The following VAT1L variants were observed in gnomAD, a reference collection of about 807,000 sequenced individuals.
The protein encoded by VAT1L is vesicle amine transport 1 like.
VAT1L carries 34 observed loss-of-function variants against 44.1 expected under a neutral mutation model. That is an observed-to-expected ratio of 0.77 (90% CI 0.59 to 1.03). VAT1L has a LOEUF of 1.03. Ranked by LOEUF, VAT1L falls within the 50% of genes least tolerant of loss-of-function variation. VAT1L has a pLI of 0.00. For missense variants in VAT1L, 615 were observed against 538.8 expected (o/e 1.14, Z -1.40); for synonymous variants, 253 against 202.2 (o/e 1.25, Z -2.13).
At chr16:77,838,153 G>T (rs947535906) in intron 3 of VAT1L, among the ~76,000 whole-genome samples, 5 of 152,134 alleles carry the variant, frequency 3.3e-5, no homozygotes, top group Admixed American at 3.3e-4. Flanking sequence ...CTATAGTTCT[G>T]GCCCCTTGGA....
rs1348959951 is a variant in VAT1L, at chr16:77,879,655, C to T, written c.882+431C>T. Among the ~76,000 whole-genome samples, 2 of 152,336 alleles carry T rather than the reference C, an allele frequency of 1.3e-5. No individual in the cohort carries two copies. The highest frequency in any genetic ancestry group is 3.4e-3 in the Middle Eastern group (1 of 294). ...ATTTCCTCGTTCATTTCCCATAAAA[C>T]CTGCACTCCTGCCCTATTCCCTGCA... On this transcript the variant is annotated intron_variant, in intron 6 of 8. Coordinates refer to ENST00000302536, the MANE Select transcript of VAT1L (RefSeq NM_020927.3). The surrounding 1 kb of genome is among the most constrained non-coding windows in gnomAD (Gnocchi z 4.1).
rs757462283 is a variant in VAT1L at position 77,825,344 on chromosome 16, C to T, written c.462C>T (p.Ser154=). Reference sequence around the variant, plus strand: ...TCTACAAGATCCCGGATGACATGAGCTTCTCCGAGGCTGCTGCATTCCCCA... The same window carrying T: ...TCTACAAGATCCCGGATGACATGAGTTTCTCCGAGGCTGCTGCATTCCCCA... ...EFVYKIPDDM[S]FSEAAAFPMN... Residue 154 remains serine, a synonymous_variant, in exon 3 of 9, where the codon AGC becomes AGT. Coordinates refer to ENST00000302536, the MANE Select transcript of VAT1L (RefSeq NM_020927.3). The T allele has an allele frequency of 6.2e-7, 1 of 1,614,226 alleles. No individual in the cohort carries two copies. The highest frequency in any genetic ancestry group is 8.5e-7 in the Non-Finnish European group (1 of 1,180,054).
chr16:77,953,794 C>T (rs569224797), intron 7 of VAT1L, among the ~76,000 whole-genome samples: 1 of 152,118 alleles, frequency 6.6e-6, no homozygotes, highest in African/African-American at 2.4e-5. Context: ...TCTTGCCCAG[C>T]CTGATTTGCA....
chr16:77,917,844 T>A (rs1381735443), intron 7 of VAT1L, among the ~76,000 whole-genome samples: 1 of 152,206 alleles, frequency 6.6e-6, no homozygotes, highest in Non-Finnish European at 1.5e-5. Context: ...ACAAGGATTC[T>A]GAATCCCCAG....
intron 7 of VAT1L, among the ~76,000 whole-genome samples, chr16:77,966,961 C>T (rs1379526063): frequency 7.5e-6 from 1 of 133,838 alleles, no homozygotes; most frequent in African/African-American, 2.8e-5. Context: ...AAAAAAAAAG[C>T]ACCTCTGGTG....
intron 3 of VAT1L, among the ~76,000 whole-genome samples, chr16:77,837,097 CT>C (rs2016647948): frequency 6.6e-6 from 1 of 152,124 alleles, no homozygotes; most frequent in African/African-American, 2.4e-5. Context: ...AAGTGCTAGG[CT>C]GGGCTGACAG....
chr16:77,930,159 T>C (rs1567511742), intron 7 of VAT1L, among the ~76,000 whole-genome samples: 1 of 152,132 alleles, frequency 6.6e-6, no homozygotes, highest in Non-Finnish European at 1.5e-5. Context: ...TTCCATGTCT[T>C]CCTTGGAATG....
intron 1 of VAT1L, among the ~76,000 whole-genome samples, chr16:77,816,639 G>A (rs2016359909): frequency 6.6e-6 from 1 of 152,096 alleles, no homozygotes; most frequent in African/African-American, 2.4e-5. Flanking sequence ...AAGACAAAGG[G>A]GCCATCTCTT....
intron 4 of VAT1L, among the ~76,000 whole-genome samples, chr16:77,863,658 T>C (rs2016939338): frequency 6.6e-6 from 1 of 152,068 alleles, no homozygotes; most frequent in South Asian, 2.1e-4. Flanking sequence ...TACTGAGGAA[T>C]GCAAGAGCCT....
chr16:77,973,645 A>C (rs114937574), intron 8 of VAT1L, among the ~76,000 whole-genome samples: 2,741 of 151,216 alleles, frequency 0.018, 83 homozygotes, highest in African/African-American at 0.062. Context: ...ATTTACATAC[A>C]CATTGATTCT....
Position 77,876,219 on chromosome 16 carries a change from C to G in VAT1L, c.723-151C>G, listed in dbSNP as rs1179254780. ...ACTGGATCTGGGAAGACATATCCAC[C>G]TCCTGGGCTTCTGCCCTATTTATTG... On this transcript the variant is annotated intron_variant, in intron 4 of 8. Coordinates refer to ENST00000302536, the MANE Select transcript of VAT1L (RefSeq NM_020927.3). 24 of 637,630 alleles carry G rather than the reference C, an allele frequency of 3.8e-5. No individual in the cohort carries two copies. In the Admixed American group the frequency reaches 6.3e-4, roughly 17 times the overall value. The allele number at this position is 637,630 out of a possible 1,614,324, so 39.5% of individuals were successfully genotyped here.
intron 7 of VAT1L, among the ~76,000 whole-genome samples, chr16:77,923,800 CAA>C (rs560621500): frequency 6.6e-5 from 10 of 152,032 alleles, no homozygotes; most frequent in Admixed American, 1.3e-4. Context: ...GAAAACAAAA[CAA>C]AACAAAACAA....
intron 3 of VAT1L, among the ~76,000 whole-genome samples, chr16:77,862,033 AAACT>A (rs1489209618): frequency 1.3e-5 from 2 of 152,248 alleles, no homozygotes; most frequent in African/African-American, 4.8e-5. Flanking sequence ...TGGGGTACCC[AAACT>A]AAGACATCTG....
intron 8 of VAT1L, among the ~76,000 whole-genome samples, chr16:77,976,860 A>T (rs939077055): frequency 6.6e-6 from 1 of 152,206 alleles, no homozygotes; most frequent in Non-Finnish European, 1.5e-5. Context: ...GAGTCAGGCA[A>T]AATCCCTGTC....
rs118030216 is a variant in VAT1L at position 77,912,117 on chromosome 16, C to T, written c.1077+27315C>T. ...ACATTCAGTACACATTTACAGAATG[C>T]CTACATTTTACCATGAGCTGCCTAG... On this transcript the variant is annotated intron_variant, in intron 7 of 8. Transcript: ENST00000302536. Among the ~76,000 whole-genome samples the T allele has an allele frequency of 9.4e-3, 1,423 of 152,190 alleles. 47 individuals carry two copies. The highest frequency in any genetic ancestry group is 0.064 in the Admixed American group (979 of 15,280).
At chr16:77,946,276 G>GTCCTTTT (rs2017962485) in intron 7 of VAT1L, among the ~76,000 whole-genome samples, 1 of 33,862 alleles carries the variant, frequency 3.0e-5, no homozygotes, top group African/African-American at 1.1e-4. Flanking sequence ...TAGGTTACTT[G>GTCCTTTT]TTCTTTTTTT....
Position 77,788,688 on chromosome 16 carries a change from C to T in VAT1L, c.6C>T (p.Ala2=). 6.5e-7 allele frequency: 1 copy of T among 1,549,976 alleles called. No homozygotes were observed. The part of the protein sequence containing the change: M[A]KEGVEKAEET... Reference sequence around the variant, plus strand: ...GCCCCGCGCCCTCGAGCGCCATGGCCAAGGAAGGCGTGGAGAAGGCGGAGG... The same window carrying T: ...GCCCCGCGCCCTCGAGCGCCATGGCTAAGGAAGGCGTGGAGAAGGCGGAGG... Residue 2 remains alanine, a synonymous_variant, in exon 1 of 9, where the codon GCC becomes GCT. Transcript: ENST00000302536.
At position 77,937,485 on chromosome 16, in the gene VAT1L, T is replaced by TCC. The variant is rs151141429; in HGVS notation, c.1078-34361_1078-34360dup. 1.6e-3 allele frequency among the ~76,000 whole-genome samples: 236 copies of TCC among 152,208 alleles called. 2 individuals are homozygous for TCC. Among genetic ancestry groups the TCC allele is most frequent in the Non-Finnish European group, 1.1e-3 (73 of 67,992 alleles). ...GGCTTGACAGTTACCCAAGAGACTT[T>TCC]CCCCCACTACCTCCCTTTGTGGCCG... On this transcript the variant is annotated intron_variant, in intron 7 of 8. Coordinates refer to ENST00000302536, the MANE Select transcript of VAT1L (RefSeq NM_020927.3).
At chr16:77,902,595 C>G (rs1055910990) in intron 7 of VAT1L, among the ~76,000 whole-genome samples, 19 of 152,064 alleles carry the variant, frequency 1.2e-4, no homozygotes, top group African/African-American at 4.6e-4. Flanking sequence ...CCTCAACAAG[C>G]TGTACAAGGA....
Sources: allele counts gnomAD v4.1 joint callset (sites outside exome capture counted in the v4.1 genomes callset), GRCh38; gene constraint gnomAD v4.1.1; non-coding constraint Gnocchi (gnomAD v3.1); transcripts MANE v1.5; gene names NCBI Gene and HGNC (gene_info 2026-07-23, HGNC 2026-07-21).